Variants in ODF2 observed in about 807,000 individuals in gnomAD.
ODF2 encodes outer dense fiber protein 2.
ODF2 carries 47 observed loss-of-function variants against 110.2 expected under a neutral mutation model. That is an observed-to-expected ratio of 0.43 (90% CI 0.34 to 0.54). The LOEUF (loss-of-function observed/expected upper bound fraction) is 0.54, where lower values mean the gene tolerates loss of function less well. Ranked by LOEUF, ODF2 falls within the 20% of genes least tolerant of loss-of-function variation. The pLI, the probability that ODF2 is intolerant of heterozygous loss-of-function variation, is 0.03. For missense variants in ODF2, 812 were observed against 1,054.5 expected (o/e 0.77, Z 3.19); for synonymous variants, 352 against 397.7 (o/e 0.89, Z 1.37).
At chr9:128,461,771 G>T (rs1384725702) in intron 4 of ODF2, among the ~76,000 whole-genome samples, 1 of 149,996 alleles carries the variant, frequency 6.7e-6, no homozygotes, top group African/African-American at 2.4e-5. Flanking sequence ...GCAGTGAAAA[G>T]AAAAAAAAAT....
At chr9:128,495,467 C>T (rs1845419181) in intron 17 of ODF2, among the ~76,000 whole-genome samples, 1 of 152,242 alleles carries the variant, frequency 6.6e-6, no homozygotes, top group Non-Finnish European at 1.5e-5. Flanking sequence ...CCCACATTCT[C>T]AGTACTGTAA....
chr9:128,477,730 C>G (rs1841600261), intron 8 of ODF2, among the ~76,000 whole-genome samples: 1 of 151,366 alleles, frequency 6.6e-6, no homozygotes, highest in African/African-American at 2.4e-5. Context: ...CTCAGCCTCC[C>G]AAGCAGCTGG....
chr9:128,475,722 T>G (rs780049599), intron 8 of ODF2, among the ~76,000 whole-genome samples: 1 of 152,050 alleles, frequency 6.6e-6, no homozygotes, highest in Admixed American at 6.6e-5. Flanking sequence ...CTCTGTTCAC[T>G]GCAACCTCCG....
chr9:128,487,997 C>T (rs146774124), exon 14 of ODF2: 82 of 1,613,886 alleles, frequency 5.1e-5, no homozygotes, highest in Non-Finnish European at 6.4e-5. Context: ...GAGTATTCCG[C>T]ATTCAAGCTG....
intron 18 of ODF2, 139 bp downstream of exon 18, chr9:128,496,280 G>A (rs1588999384): frequency 2.0e-6 from 3 of 1,514,898 alleles, no homozygotes; most frequent in African/African-American, 2.8e-5. Context: ...CAGAGGAAAA[G>A]CTGCTTCCAT....
intron 19 of ODF2, 27 bp downstream of exon 19, chr9:128,498,602 G>A: frequency 1.5e-6 from 2 of 1,322,442 alleles, no homozygotes; most frequent in Non-Finnish European, 2.1e-6. Flanking sequence ...TGAATGACTA[G>A]CTCTGTGACC....
At chr9:128,459,745 C>G (rs1377057676) in intron 3 of ODF2, 88 bp downstream of exon 2, 1 of 957,684 alleles carries the variant, frequency 1.0e-6, no homozygotes, top group Non-Finnish European at 1.6e-6. Context: ...CCTTACCCTG[C>G]TGGGCACCAT....
chr9:128,489,147 A>G (rs1844024955), intron 14 of ODF2, among the ~76,000 whole-genome samples: 2 of 152,330 alleles, frequency 1.3e-5, no homozygotes, highest in South Asian at 2.1e-4. Context: ...TAAACTCACC[A>G]TACCCACTTC....
At chr9:128,463,455 C>T (rs769107402) in intron 4 of ODF2, among the ~76,000 whole-genome samples, 9 of 152,106 alleles carry the variant, frequency 5.9e-5, no homozygotes, top group Non-Finnish European at 1.3e-4. Flanking sequence ...CCTGCCTCTA[C>T]AAAAGATAAA....
At chr9:128,474,022 G>A (rs1254352245) in intron 8 of ODF2, among the ~76,000 whole-genome samples, 2 of 152,146 alleles carry the variant, frequency 1.3e-5, no homozygotes, top group African/African-American at 4.8e-5. Context: ...AGAAAAGAGA[G>A]TTCCAGACCT....
chr9:128,457,943 A>ATTTTT (rs1181931486), intron 2 of ODF2, among the ~76,000 whole-genome samples: 2 of 140,422 alleles, frequency 1.4e-5, no homozygotes, highest in Non-Finnish European at 3.1e-5. Flanking sequence ...ATATATATAT[A>ATTTTT]TTTTTTTTTT....
chr9:128,457,407 T>C, exon 2 of ODF2: 4 of 1,613,148 alleles, frequency 2.5e-6, no homozygotes, highest in Non-Finnish European at 3.4e-6. Flanking sequence ...TGCCTAGCCA[T>C]GTCTGCCTCA....
intron 4 of ODF2, among the ~76,000 whole-genome samples, chr9:128,462,231 A>G (rs1836662816): frequency 6.6e-6 from 1 of 151,618 alleles, no homozygotes; most frequent in Non-Finnish European, 1.5e-5. Flanking sequence ...GGCTCACCAC[A>G]ACCTCCGCCT....
rs1588949318 is a variant in ODF2 at position 128,488,101 on chromosome 9, C to T, written c.1536+76C>T. The T allele has an allele frequency of 6.5e-6, 10 of 1,544,928 alleles. No individual in the cohort carries two copies. The East Asian group carries it at 1.8e-4, about 28-fold the overall frequency. ...GATGAGGGGTCTTGTCTTACGTGGG[C>T]CTGGGGGCATCTTGACTAAGAGGGA... is the stretch of plus-strand genomic sequence containing the variant. On this transcript the variant is annotated intron_variant, in intron 14 of 20. Transcript: ENST00000604420.
intron 19 of ODF2, 134 bp from the exon 20 acceptor site, chr9:128,498,867 C>T (rs1003553794): frequency 1.5e-5 from 18 of 1,220,394 alleles, no homozygotes; most frequent in African/African-American, 9.1e-5. Flanking sequence ...CCTGCCCCAG[C>T]GTTCTAGAGA....
At chr9:128,499,119 G>C in exon 20 of ODF2, 2 of 1,614,164 alleles carry the variant, frequency 1.2e-6, no homozygotes, top group South Asian at 1.1e-5. Flanking sequence ...CGGCGGAGCC[G>C]TGATGATGTG....
At chr9:128,488,781 A>C (rs946712450) in intron 14 of ODF2, among the ~76,000 whole-genome samples, 8 of 152,120 alleles carry the variant, frequency 5.3e-5, no homozygotes, top group African/African-American at 1.7e-4. Context: ...AGGCAGGCGG[A>C]TCACCTGAGG....
chr9:128,466,138 CA>C (rs375424947), intron 4 of ODF2, among the ~76,000 whole-genome samples: 7 of 134,242 alleles, frequency 5.2e-5, no homozygotes, highest in Admixed American at 1.6e-4. Flanking sequence ...GTCTCCATCT[CA>C]AAAAAAAAAC....
At chr9:128,455,771 C>T (rs1421995536), upstream of ODF2, among the ~76,000 whole-genome samples, 2 of 151,994 alleles carry the variant, frequency 1.3e-5, no homozygotes, top group African/African-American at 4.8e-5. Flanking sequence ...TGTGCAGCTC[C>T]CAATAACTAG....
Sources: gnomAD v4.1 joint callset for allele counts (sites outside exome capture counted in the v4.1 genomes callset) on GRCh38, gnomAD v4.1.1 for gene constraint, MANE v1.5 for transcripts, NCBI Gene and HGNC (gene_info 2026-07-23, HGNC 2026-07-21) for gene names.